Variants in TYW1 observed in about 807,000 individuals in gnomAD.
TYW1 encodes the protein tRNA-yW synthesizing protein 1 homolog, also known as S-adenosyl-L-methionine-dependent tRNA 4-demethylwyosine synthase TYW1.
TYW1 carries 46 observed loss-of-function variants against 96.2 expected under a neutral mutation model. That is an observed-to-expected ratio of 0.48 (90% CI 0.38 to 0.61). The LOEUF (loss-of-function observed/expected upper bound fraction) is 0.61. Ranked by LOEUF, TYW1 falls within the 20% of genes least tolerant of loss-of-function variation. The pLI is 0.00. For missense variants in TYW1, 684 were observed against 909.6 expected, an observed-to-expected ratio of 0.75 and a Z score of 3.19; for synonymous variants, 274 against 323.0, an observed-to-expected ratio of 0.85 and a Z score of 1.63.
intron 13 of TYW1, among the ~76,000 whole-genome samples, chr7:67,153,821 A>G (rs1242898498): frequency 6.6e-6 from 1 of 152,158 alleles, no homozygotes; most frequent in Non-Finnish European, 1.5e-5. Flanking sequence ...TTTGTTTAAC[A>G]ATATGTTTAA....
chr7:67,235,912 A>AAAAGAAAAAG (rs1554398573), intron 15 of TYW1, among the ~76,000 whole-genome samples: 1 of 142,544 alleles, frequency 7.0e-6, no homozygotes, highest in African/African-American at 2.7e-5. Context: ...AAAAAAAAAG[A>AAAAGAAAAAG]AAAAGAGGTG....
rs977398586 is a variant in TYW1, at chr7:67,073,994, A to G, written c.1274+6591A>G. On this transcript the variant is annotated intron_variant, in intron 10 of 15. Coordinates refer to ENST00000359626, the MANE Select transcript of TYW1 (RefSeq NM_018264.4). ...CTACTCGGGAGGCTGAGGCAGGAGAATGGTGTGAACCCAGGAGGTGGAGCT... is the reference window on the plus strand; with the variant it reads ...CTACTCGGGAGGCTGAGGCAGGAGAGTGGTGTGAACCCAGGAGGTGGAGCT... Among the ~76,000 whole-genome samples the G allele has an allele frequency of 3.3e-5, 5 of 149,366 alleles. No individual in the cohort carries two copies. In the Admixed American group the frequency reaches 3.4e-4, roughly 10 times the overall value.
chr7:67,065,951 A>G (rs1795847757), intron 9 of TYW1, among the ~76,000 whole-genome samples: 1 of 151,396 alleles, frequency 6.6e-6, no homozygotes, highest in Non-Finnish European at 1.5e-5. Context: ...CGGAGGGTGC[A>G]GTGAGTTGAG....
chr7:67,015,689 A>G (rs1308874800), intron 5 of TYW1, among the ~76,000 whole-genome samples: 3 of 151,836 alleles, frequency 2.0e-5, no homozygotes, highest in Non-Finnish European at 4.4e-5. Context: ...TTGGCTGGGC[A>G]TGGTGGCTCA....
chr7:67,001,362 C>T (rs1793381549), intron 3 of TYW1, among the ~76,000 whole-genome samples: 2 of 151,790 alleles, frequency 1.3e-5, no homozygotes, highest in South Asian at 2.1e-4. Context: ...TAGCCATCTT[C>T]CATCTTAAAG....
chr7:67,050,984 T>C (rs1443372818), intron 8 of TYW1, among the ~76,000 whole-genome samples: 1 of 151,974 alleles, frequency 6.6e-6, no homozygotes, highest in African/African-American at 2.4e-5. Flanking sequence ...CTCTGCCTCC[T>C]GGGTTCAAGT....
chr7:67,051,747 T>C (rs1400167623), intron 8 of TYW1, among the ~76,000 whole-genome samples: 3 of 142,932 alleles, frequency 2.1e-5, no homozygotes, highest in African/African-American at 7.6e-5. Context: ...TTTTTTTTTT[T>C]CTAATTTAAG....
At chr7:67,054,166 C>A (rs1407721548) in intron 8 of TYW1, among the ~76,000 whole-genome samples, 1 of 152,116 alleles carries the variant, frequency 6.6e-6, no homozygotes, top group Non-Finnish European at 1.5e-5. Context: ...CTTTGTTATT[C>A]CATCTTGGCT....
Position 67,234,485 on chromosome 7 carries a change from G to A in TYW1, c.1978-3823G>A, listed in dbSNP as rs552973401. On this transcript the variant is annotated intron_variant, in intron 15 of 15. Transcript: ENST00000359626. ...CAGCCGCCTTCAAGACAGGAAGAGA[G>A]CCCTCACCAGAAACTGAGCCAGAAC... 6.6e-5 allele frequency among the ~76,000 whole-genome samples: 10 copies of A among 152,226 alleles called. No homozygotes were observed. In the South Asian group the frequency reaches 1.9e-3, roughly 28 times the overall value.
At chr7:67,092,257 T>TTG (rs1447828984) in intron 11 of TYW1, among the ~76,000 whole-genome samples, 3 of 152,100 alleles carry the variant, frequency 2.0e-5, no homozygotes, top group African/African-American at 4.8e-5. Flanking sequence ...CCACCTCCAG[T>TTG]GTCACCACCT....
At chr7:67,039,401 T>G (rs1399107881) in intron 7 of TYW1, among the ~76,000 whole-genome samples, 1 of 149,808 alleles carries the variant, frequency 6.7e-6, no homozygotes, top group African/African-American at 2.5e-5. Flanking sequence ...GAGCTTGCAG[T>G]GAGCCGAGAT....
At chr7:67,112,708 T>G (rs1797463336) in intron 12 of TYW1, among the ~76,000 whole-genome samples, 1 of 152,188 alleles carries the variant, frequency 6.6e-6, no homozygotes, top group African/African-American at 2.4e-5. Context: ...GTCTCCCAAC[T>G]TAGAAAAGCA....
intron 10 of TYW1, among the ~76,000 whole-genome samples, chr7:67,071,646 A>G (rs1796034236): frequency 6.7e-6 from 1 of 149,946 alleles, no homozygotes; most frequent in Non-Finnish European, 1.5e-5. Context: ...TTTGAGACAG[A>G]GTCTCGCTCT....
intron 9 of TYW1, among the ~76,000 whole-genome samples, chr7:67,066,023 A>C (rs1386556046): frequency 7.3e-6 from 1 of 137,314 alleles, no homozygotes; most frequent in African/African-American, 2.8e-5. Context: ...ACACACACAC[A>C]CACACACACC....
At chr7:67,087,346 T>C (rs193275636) in intron 11 of TYW1, among the ~76,000 whole-genome samples, 1 of 152,282 alleles carries the variant, frequency 6.6e-6, no homozygotes, top group Admixed American at 6.5e-5. Context: ...ATGGTTTGTC[T>C]ATGGGTTCTT....
At chr7:67,083,835 G>A (rs1796455537) in intron 11 of TYW1, among the ~76,000 whole-genome samples, 2 of 152,354 alleles carry the variant, frequency 1.3e-5, no homozygotes, top group Middle Eastern at 3.4e-3. Context: ...AGGAGTTCGA[G>A]ATGAGCCTGG....
intron 7 of TYW1, among the ~76,000 whole-genome samples, chr7:67,028,665 A>G (rs1264397884): frequency 1.3e-5 from 2 of 152,230 alleles, no homozygotes; most frequent in Non-Finnish European, 2.9e-5. Context: ...ACAGGCACTC[A>G]TACCTTGCAG....
rs143341917 is a variant in TYW1, at chr7:67,235,246, C to A, written c.1978-3062C>A. ...TTTATCACACCTGTCCCTGTACTCC[C>A]CAAGTGCCTTGTACATAACCTCACC... On this transcript the variant is annotated intron_variant, in intron 15 of 15. Transcript: ENST00000359626. Among the ~76,000 whole-genome samples the A allele has an allele frequency of 4.3e-4, 65 of 152,318 alleles. 1 individual carries two copies. Among genetic ancestry groups the A allele is most frequent in the African/African-American group, 1.5e-3 (63 of 41,566 alleles).
chr7:67,090,746 G>A (rs1349602786), intron 11 of TYW1, among the ~76,000 whole-genome samples: 2 of 152,098 alleles, frequency 1.3e-5, no homozygotes, highest in Admixed American at 6.6e-5. Flanking sequence ...CAGCACTATC[G>A]ATTTGCTGTT....
Sources: gnomAD v4.1 joint callset for allele counts (sites outside exome capture counted in the v4.1 genomes callset) on GRCh38, gnomAD v4.1.1 for gene constraint, MANE v1.5 for transcripts, NCBI Gene and HGNC (gene_info 2026-07-23, HGNC 2026-07-21) for gene names.